MYO1D: variants seen among roughly 807,000 people sequenced by gnomAD.
MYO1D encodes the protein myosin ID, also known as unconventional myosin-Id.
Under a neutral mutation model 122.0 loss-of-function variants are expected in MYO1D, and 83 were observed. The observed-to-expected ratio is 0.68, with a 90% CI of 0.57 to 0.82. The LOEUF (loss-of-function observed/expected upper bound fraction) is 0.82, where lower values mean the gene tolerates loss of function less well. MYO1D is among the 40% of genes least tolerant of loss of function. The probability of loss-of-function intolerance (pLI) is 0.00; values close to 1 mark genes in which losing one functional copy is unlikely to be tolerated. For missense variants in MYO1D, 1,157 were observed against 1,269.5 expected, an observed-to-expected ratio of 0.91 and a Z score of 1.35; for synonymous variants, 464 against 446.9, an observed-to-expected ratio of 1.04 and a Z score of -0.48.
rs143263325 is a variant in MYO1D, at chr17:32,815,542, T to C, written c.96-34758A>G. 2.9e-3 allele frequency among the ~76,000 whole-genome samples: 443 copies of C among 152,376 alleles called. 4 individuals carry two copies. The highest frequency in any genetic ancestry group is 0.01 in the African/African-American group (424 of 41,584). Reference sequence around the variant, plus strand: ...AACTTTTTTAAAAGCATAGTTATTATGCTTAAGTCCAATCCTGGTCAGGCA... The same window carrying C: ...AACTTTTTTAAAAGCATAGTTATTACGCTTAAGTCCAATCCTGGTCAGGCA... On this transcript the variant is annotated intron_variant, in intron 1 of 21. Coordinates refer to ENST00000318217, the MANE Select transcript of MYO1D (RefSeq NM_015194.3).
intron 1 of MYO1D, among the ~76,000 whole-genome samples, chr17:32,860,462 A>G (rs1254211456): frequency 1.3e-5 from 2 of 152,214 alleles, no homozygotes; most frequent in East Asian, 3.8e-4. Context: ...ATGGTGACAC[A>G]TAACATAGAC....
intron 19 of MYO1D, among the ~76,000 whole-genome samples, chr17:32,649,567 C>CTTTT (rs35514290): frequency 5.5e-3 from 513 of 94,008 alleles, no homozygotes; most frequent in Non-Finnish European, 6.9e-3. Flanking sequence ...TTCTTTCTTT[C>CTTTT]TTTTTTTTTT....
At chr17:32,866,908 C>T (rs1333153841) in intron 1 of MYO1D, among the ~76,000 whole-genome samples, 1 of 152,198 alleles carries the variant, frequency 6.6e-6, no homozygotes, top group South Asian at 2.1e-4. Flanking sequence ...CATTCTACCT[C>T]TTCCATAGGG....
intron 15 of MYO1D, among the ~76,000 whole-genome samples, chr17:32,720,049 A>T (rs970049231): frequency 2.5e-4 from 38 of 152,114 alleles, no homozygotes; most frequent in African/African-American, 9.2e-4. Context: ...CAACTAATCT[A>T]AAGTATTTTA....
At chr17:32,548,975 A>C (rs2086988138) in intron 21 of MYO1D, among the ~76,000 whole-genome samples, 1 of 151,824 alleles carries the variant, frequency 6.6e-6, no homozygotes, top group Non-Finnish European at 1.5e-5. Flanking sequence ...CGGCCTCCAA[A>C]GTGTTGGGAT....
chr17:32,706,797 C>T (rs921989472), intron 16 of MYO1D, among the ~76,000 whole-genome samples: 3 of 151,988 alleles, frequency 2.0e-5, no homozygotes, highest in African/African-American at 4.8e-5. Context: ...CCCGGGTTCA[C>T]GCCATTCTCC....
At chr17:32,703,552 A>G (rs1274080646) in intron 16 of MYO1D, among the ~76,000 whole-genome samples, 1 of 151,738 alleles carries the variant, frequency 6.6e-6, no homozygotes, top group Non-Finnish European at 1.5e-5. Flanking sequence ...GGTAGGTGAG[A>G]TTACAGGTGC....
chr17:32,799,096 G>A (rs1013644473), intron 1 of MYO1D, among the ~76,000 whole-genome samples: 1 of 152,054 alleles, frequency 6.6e-6, no homozygotes, highest in Non-Finnish European at 1.5e-5. Flanking sequence ...TTCCACTTGT[G>A]AAAATAACCA....
At position 32,733,474 on chromosome 17, in the gene MYO1D, AC is replaced by A. The variant is rs1176724053; in HGVS notation, c.1746+4778del. ...TTATAAATTCCCAAGAGAGATTCAC[AC>A]CCCCTCCACCCATGGCTGAGTGCCA... On this transcript the variant is annotated intron_variant, in intron 14 of 21. Transcript: ENST00000318217. Among the ~76,000 whole-genome samples the A allele has an allele frequency of 2.0e-5, 3 of 152,006 alleles. No homozygotes were observed. The East Asian group carries it at 5.8e-4, about 29-fold the overall frequency.
chr17:32,600,780 C>T (rs2087552664), intron 21 of MYO1D, among the ~76,000 whole-genome samples: 1 of 152,144 alleles, frequency 6.6e-6, no homozygotes, highest in Non-Finnish European at 1.5e-5. Context: ...AAGACTGTTT[C>T]ACTTTCTTAT....
chr17:32,709,520 A>G (rs2089349614), intron 16 of MYO1D, among the ~76,000 whole-genome samples: 1 of 152,190 alleles, frequency 6.6e-6, no homozygotes, highest in South Asian at 2.1e-4. Context: ...CAGAGATCCA[A>G]CAGAAACATT....
intron 1 of MYO1D, among the ~76,000 whole-genome samples, chr17:32,870,035 G>A (rs1598170378): frequency 3.3e-5 from 5 of 152,094 alleles, no homozygotes; most frequent in Admixed American, 2.6e-4. Context: ...CTCTATTTGG[G>A]AACTAAATTC....
intron 16 of MYO1D, among the ~76,000 whole-genome samples, chr17:32,660,669 A>T (rs1177206393): frequency 1.4e-5 from 2 of 148,084 alleles, no homozygotes; most frequent in Non-Finnish European, 3.1e-5. Context: ...ATGGTAACCT[A>T]GAGTTCACAT....
intron 1 of MYO1D, among the ~76,000 whole-genome samples, chr17:32,793,521 G>C (rs1041060759): frequency 1.3e-5 from 2 of 152,184 alleles, no homozygotes; most frequent in Non-Finnish European, 2.9e-5. Context: ...AATTATTTAT[G>C]CAATTATATA....
At chr17:32,808,964 T>C (rs531055824) in intron 1 of MYO1D, among the ~76,000 whole-genome samples, 2 of 152,180 alleles carry the variant, frequency 1.3e-5, no homozygotes, top group Non-Finnish European at 2.9e-5. Context: ...GGTATAGCCA[T>C]ACGTATATAT....
At chr17:32,503,241 A>G (rs936201430) in intron 21 of MYO1D, among the ~76,000 whole-genome samples, 2 of 152,112 alleles carry the variant, frequency 1.3e-5, no homozygotes, top group African/African-American at 4.8e-5. Flanking sequence ...ATCCCCTCCC[A>G]TCCAGGCCCC....
chr17:32,730,064 T>C (rs1174031191), intron 14 of MYO1D, among the ~76,000 whole-genome samples: 1 of 151,964 alleles, frequency 6.6e-6, no homozygotes, highest in African/African-American at 2.4e-5. Flanking sequence ...CATGTTCTTT[T>C]GTTTCTTCTT....
intron 5 of MYO1D, among the ~76,000 whole-genome samples, chr17:32,772,008 A>T (rs2054625147): frequency 6.6e-6 from 1 of 152,200 alleles, no homozygotes; most frequent in Non-Finnish European, 1.5e-5. Flanking sequence ...TTGATTTTTA[A>T]ACTTAATATA....
chr17:32,773,794 G>T (rs187526259), intron 4 of MYO1D, among the ~76,000 whole-genome samples: 2 of 152,160 alleles, frequency 1.3e-5, no homozygotes, highest in Admixed American at 1.3e-4. Flanking sequence ...CATCCTACAA[G>T]GTCTAGACAA....
Sources: gnomAD v4.1 joint callset for allele counts (sites outside exome capture counted in the v4.1 genomes callset) on GRCh38, gnomAD v4.1.1 for gene constraint, MANE v1.5 for transcripts, NCBI Gene and HGNC (gene_info 2026-07-23, HGNC 2026-07-21) for gene names.